Variants in SDK2 observed in about 807,000 individuals in gnomAD.
SDK2 encodes sidekick cell adhesion molecule 2, also known as protein sidekick-2.
In SDK2, 105 loss-of-function variants were observed where a neutral mutation model predicts 253.9. The ratio of observed to expected loss-of-function variants is 0.41; its 90% CI spans 0.35 to 0.49. The LOEUF (loss-of-function observed/expected upper bound fraction) is 0.49. Ranked by LOEUF, SDK2 falls within the 20% of genes least tolerant of loss-of-function variation. The pLI, the probability that SDK2 is intolerant of heterozygous loss-of-function variation, is 0.06. For missense variants in SDK2, 2,608 were observed against 3,003.0 expected (o/e 0.87, Z 3.07); for synonymous variants, 1,249 against 1,234.9 (o/e 1.01, Z -0.24).
At chr17:73,613,018 AC>A (rs1376190598) in intron 1 of SDK2, among the ~76,000 whole-genome samples, 1 of 152,124 alleles carries the variant, frequency 6.6e-6, no homozygotes, top group Non-Finnish European at 1.5e-5. Flanking sequence ...TCTGCCACCA[AC>A]CCTGTGGGGT....
rs1274048832 is a variant in SDK2 at position 73,469,989 on chromosome 17, C to CGT, written c.331+2122_331+2123insAC. Reference sequence around the variant, plus strand: ...TGAATGGCATTTGCGACTGCGCGCGCGCGCACACACACACACACACACACA... The same window carrying CGT: ...TGAATGGCATTTGCGACTGCGCGCGCGTGCGCACACACACACACACACACACA... On this transcript the variant is annotated intron_variant, in intron 3 of 44. Coordinates refer to ENST00000392650, the MANE Select transcript of SDK2 (RefSeq NM_001144952.2). Among the ~76,000 whole-genome samples the CGT allele has an allele frequency of 7.4e-3, 821 of 110,652 alleles. 14 individuals are homozygous for CGT. Among genetic ancestry groups the CGT allele is most frequent in the African/African-American group, 0.028 (763 of 27,052 alleles). 72.6% of individuals were successfully genotyped at this position (110,652 alleles called of 152,430 possible). A position where few individuals can be genotyped will look rare whatever the true frequency, so the allele number is the denominator to read the frequency against.
chr17:73,391,462 G>T lies in SDK2; in HGVS notation c.3975C>A (p.Ala1325=), dbSNP rs577548698. The T allele has an allele frequency of 3.1e-6, 4 of 1,310,300 alleles. 1 individual carries two copies. In the South Asian group the frequency reaches 1.3e-4, roughly 42 times the overall value. The allele number at this position is 1,310,300 out of a possible 1,614,324, so 81.2% of individuals were successfully genotyped here. A position where few individuals can be genotyped will look rare whatever the true frequency, so the allele number is the denominator to read the frequency against. The change falls in exon 28 of 45, where the codon GCC becomes GCA. Residue 1325 remains alanine, a synonymous_variant. Transcript: ENST00000392650. ...TSVRLIWQPP[A]APNGIILAYQ... ...TACCAAGAATGATGCCATTGGGGGC[G>T]GCAGGGGGCTGCCAGATCAGCCGCA...
intron 1 of SDK2, among the ~76,000 whole-genome samples, chr17:73,564,405 T>C (rs1465878794): frequency 6.6e-6 from 1 of 152,200 alleles, no homozygotes; most frequent in Admixed American, 6.5e-5. Flanking sequence ...GTGTATTCTC[T>C]CCTGCATCTG....
At chr17:73,637,925 C>G (rs947433059) in intron 1 of SDK2, among the ~76,000 whole-genome samples, 14 of 152,176 alleles carry the variant, frequency 9.2e-5, no homozygotes, top group Admixed American at 6.5e-4. Context: ...GGGCCAGAAT[C>G]AGGAAGAGCT....
At chr17:73,505,498 C>CGT (rs2063927658) in intron 2 of SDK2, among the ~76,000 whole-genome samples, 1 of 151,984 alleles carries the variant, frequency 6.6e-6, no homozygotes, top group African/African-American at 2.4e-5. Flanking sequence ...TCATCATCAT[C>CGT]CTCAATAGCT....
intron 3 of SDK2, among the ~76,000 whole-genome samples, chr17:73,471,581 G>A (rs770297167): frequency 6.6e-6 from 1 of 152,186 alleles, no homozygotes; most frequent in Non-Finnish European, 1.5e-5. Context: ...CTGGATGACA[G>A]AGTGAGACTC....
intron 1 of SDK2, among the ~76,000 whole-genome samples, chr17:73,559,598 G>GC (rs10633523): frequency 0.011 from 1,398 of 122,008 alleles, 91 homozygotes; most frequent in African/African-American, 0.052. Flanking sequence ...CGCTCCCTGT[G>GC]CCCCCCGCCC....
intron 1 of SDK2, among the ~76,000 whole-genome samples, chr17:73,567,593 G>A (rs556953325): frequency 2.0e-5 from 3 of 152,364 alleles, no homozygotes; most frequent in African/African-American, 4.8e-5. Context: ...ACTCCAACCC[G>A]TTAAAAACAG....
intron 10 of SDK2, 113 bp downstream of exon 10, chr17:73,433,619 T>C: frequency 1.3e-6 from 1 of 752,234 alleles, no homozygotes; most frequent in South Asian, 1.6e-5. Context: ...GTACAGTGTA[T>C]GACCTTCACA....
intron 1 of SDK2, among the ~76,000 whole-genome samples, chr17:73,620,291 C>A (rs2046117247): frequency 6.6e-6 from 1 of 151,942 alleles, no homozygotes; most frequent in Admixed American, 6.6e-5. Context: ...TGGTCAGCAC[C>A]ATTAGTCATC....
chr17:73,399,355 TGTTGGGCATGGAGG>T, intron 21 of SDK2, 66 bp from the exon 22 acceptor site: 1 of 1,564,364 alleles, frequency 6.4e-7, no homozygotes, highest in African/African-American at 1.3e-5. Flanking sequence ...TGAACGGGAC[TGTTGGGCATGGAGG>T]GGGCTGTGTG....
intron 1 of SDK2, among the ~76,000 whole-genome samples, chr17:73,523,056 A>G (rs1025230762): frequency 9.2e-5 from 14 of 152,244 alleles, no homozygotes; most frequent in Non-Finnish European, 1.6e-4. Context: ...TCTTGCTGGC[A>G]GATGGGAAAA....
At chr17:73,419,694 A>G (rs1451843397) in intron 15 of SDK2, among the ~76,000 whole-genome samples, 1 of 137,422 alleles carries the variant, frequency 7.3e-6, no homozygotes, top group Non-Finnish European at 1.5e-5. Flanking sequence ...ACATGGCAAG[A>G]CCCTGTCTCT....
Position 73,414,742 on chromosome 17 carries a change from C to T in SDK2, c.2386G>A (p.Gly796Ser). The part of the protein sequence containing the change: ...TLQGVPTVPP[G>S]NVHAEATNST... ...TTGGTGGCTTCCGCGTGCACATTGC[C>T]CGGAGGGACCGTGGGAACTAGAGGA... Residue 796 changes from glycine (G) to serine (S), a missense_variant, in exon 18 of 45, where the codon GGC (glycine) becomes AGC (serine). Gly to Ser is a moderately conservative substitution (Grantham distance 56). This residue lies in a region of SDK2 where 1,505 missense variants were observed against 1,859.1 expected (regional missense o/e 0.81). Transcript: ENST00000392650. 2 of 1,613,656 alleles carry T rather than the reference C, an allele frequency of 1.2e-6. No homozygotes were observed. Among genetic ancestry groups the T allele is most frequent in the Non-Finnish European group, 1.7e-6 (2 of 1,179,720 alleles).
At chr17:73,596,398 C>G (rs2045758937) in intron 1 of SDK2, among the ~76,000 whole-genome samples, 1 of 152,188 alleles carries the variant, frequency 6.6e-6, no homozygotes, top group Admixed American at 6.5e-5. Flanking sequence ...TTGGCCGGAG[C>G]TCCAGTCAAC....
Position 73,570,875 on chromosome 17 carries a change from G to A in SDK2, c.65-63278C>T, listed in dbSNP as rs1000119013. Among the ~76,000 whole-genome samples, 6 of 152,098 alleles carry A rather than the reference G, an allele frequency of 3.9e-5. No individual in the cohort carries two copies. The highest frequency in any genetic ancestry group is 1.2e-4 in the African/African-American group (5 of 41,410). On this transcript the variant is annotated intron_variant, in intron 1 of 44. Coordinates refer to ENST00000392650, the MANE Select transcript of SDK2 (RefSeq NM_001144952.2). This position sits in a 1 kb window ranked among gnomAD's most constrained non-coding sequence, Gnocchi z 4.2. The stretch of plus-strand genomic sequence containing the variant: ...TGCAGGGACATGGCTGACCTCACAT[G>A]CTCTGTGCCCCCTTTAGGGTCTCTG...
At chr17:73,426,208 C>CA (rs2063280905) in intron 12 of SDK2, among the ~76,000 whole-genome samples, 1 of 29,166 alleles carries the variant, frequency 3.4e-5, no homozygotes, top group African/African-American at 1.1e-4. Context: ...CCATGCTGGG[C>CA]TTTTTTTTTT....
intron 1 of SDK2, among the ~76,000 whole-genome samples, chr17:73,557,384 C>A (rs890317655): frequency 1.3e-5 from 2 of 151,946 alleles, no homozygotes; most frequent in Non-Finnish European, 2.9e-5. Context: ...CTCACTGCAA[C>A]CTCCACCTCC....
In SDK2 at chr17:73,432,665, G is replaced by T. The variant is rs1045113343; in HGVS notation, c.1313-996C>A. Among the ~76,000 whole-genome samples, 11 of 150,230 alleles carry T rather than the reference G, an allele frequency of 7.3e-5. 1 individual carries two copies. Among genetic ancestry groups the T allele is most frequent in the East Asian group, 4.0e-4 (2 of 5,014 alleles). Reference sequence around the variant, plus strand: ...CATGAGAAGGTGGGGAGTGAAGGAGGTAGGGCTGGAGGGGAGGGCTGGGGG... The same window carrying T: ...CATGAGAAGGTGGGGAGTGAAGGAGTTAGGGCTGGAGGGGAGGGCTGGGGG... On this transcript the variant is annotated intron_variant, in intron 10 of 44. Coordinates refer to ENST00000392650, the MANE Select transcript of SDK2 (RefSeq NM_001144952.2).
Sources: allele counts gnomAD v4.1 joint callset (sites outside exome capture counted in the v4.1 genomes callset), GRCh38; gene constraint gnomAD v4.1.1; regional missense constraint gnomAD v4.1.1; non-coding constraint Gnocchi (gnomAD v3.1); transcripts MANE v1.5; gene names NCBI Gene and HGNC (gene_info 2026-07-23, HGNC 2026-07-21).